Variants in ADCY5 observed in about 807,000 individuals in gnomAD.
The protein encoded by ADCY5 is adenylate cyclase type 5.
In ADCY5, 30 loss-of-function variants were observed where a neutral mutation model predicts 119.7. That is an observed-to-expected ratio of 0.25 (90% confidence interval 0.19 to 0.34). The LOEUF (loss-of-function observed/expected upper bound fraction) is 0.34, where lower values mean the gene tolerates loss of function less well. Ranked by LOEUF, ADCY5 falls within the 10% of genes least tolerant of loss-of-function variation. The pLI, the probability that ADCY5 is intolerant of heterozygous loss-of-function variation, is 1.00. For missense variants in ADCY5, 1,324 were observed against 1,775.2 expected, an observed-to-expected ratio of 0.75 and a Z score of 4.57; for synonymous variants, 753 against 762.2, an observed-to-expected ratio of 0.99 and a Z score of 0.20.
chr3:123,286,898 A>G lies in ADCY5; in HGVS notation c.3533-89T>C. 6.8e-7 allele frequency: 1 copy of G among 1,474,324 alleles called. No homozygotes were observed. Among genetic ancestry groups the G allele is most frequent in the Non-Finnish European group, 9.0e-7 (1 of 1,116,124 alleles). The allele number at this position is 1,474,324 out of a possible 1,614,324, so 91.3% of individuals were successfully genotyped here. A position where few individuals can be genotyped will look rare whatever the true frequency, so the allele number is the denominator to read the frequency against. ...TCCCCACATGCTGCAGGTCCTTCTGACTCCCAACCTGAGACACCCGTGGGC... is the reference window on the plus strand; with the variant it reads ...TCCCCACATGCTGCAGGTCCTTCTGGCTCCCAACCTGAGACACCCGTGGGC... On this transcript the variant is annotated intron_variant, in intron 19 of 20. Transcript: ENST00000462833. This position sits in a 1 kb window ranked among gnomAD's most constrained non-coding sequence, Gnocchi z 4.2.
At chr3:123,385,071 C>T (rs1169251438) in intron 1 of ADCY5, among the ~76,000 whole-genome samples, 2 of 152,066 alleles carry the variant, frequency 1.3e-5, no homozygotes, top group Non-Finnish European at 2.9e-5. Context: ...TGAACGCAGG[C>T]CCCCCTCTCC....
At chr3:123,395,434 C>T (rs1944512103) in intron 1 of ADCY5, among the ~76,000 whole-genome samples, 1 of 152,218 alleles carries the variant, frequency 6.6e-6, no homozygotes, top group Non-Finnish European at 1.5e-5. Flanking sequence ...TCACAGGCTC[C>T]TTTCCATACT....
intron 1 of ADCY5, among the ~76,000 whole-genome samples, chr3:123,417,464 C>T (rs988203273): frequency 3.9e-5 from 6 of 152,258 alleles, no homozygotes; most frequent in Non-Finnish European, 7.3e-5. Flanking sequence ...CCCTTGCCCC[C>T]AGAACTCTGT....
intron 12 of ADCY5, among the ~76,000 whole-genome samples, chr3:123,308,520 T>G (rs1940341976): frequency 6.6e-6 from 1 of 152,080 alleles, no homozygotes; most frequent in South Asian, 2.1e-4. Context: ...TAGATTTTAC[T>G]AACCCCAGTT....
intron 1 of ADCY5, among the ~76,000 whole-genome samples, chr3:123,421,462 GAGC>G (rs1945300871): frequency 6.6e-6 from 1 of 152,292 alleles, no homozygotes; most frequent in South Asian, 2.1e-4. Context: ...TGCCGGTTCT[GAGC>G]AGCACAGACA....
At chr3:123,405,047 C>T (rs192823012) in intron 1 of ADCY5, among the ~76,000 whole-genome samples, 18 of 152,332 alleles carry the variant, frequency 1.2e-4, no homozygotes, top group Non-Finnish European at 1.5e-4. Flanking sequence ...AATGGTAGGG[C>T]GATGCCAGAA....
intron 1 of ADCY5, 58 bp downstream of exon 1, chr3:123,447,354 G>T: frequency 4.2e-6 from 6 of 1,435,648 alleles, no homozygotes; most frequent in Middle Eastern, 2.1e-4. Context: ...TTTCTTTGGA[G>T]TCCAGCTGAG....
chr3:123,308,746 G>A (rs1012550327), intron 12 of ADCY5, among the ~76,000 whole-genome samples: 14 of 152,242 alleles, frequency 9.2e-5, no homozygotes, highest in East Asian at 1.9e-4. Flanking sequence ...GGAGAATGGC[G>A]TGAACCCGGG....
At chr3:123,384,212 A>C (rs1055639185) in intron 1 of ADCY5, among the ~76,000 whole-genome samples, 1 of 152,240 alleles carries the variant, frequency 6.6e-6, no homozygotes, top group Non-Finnish European at 1.5e-5. Flanking sequence ...AGGGAGATTT[A>C]AAAATAAACA....
chr3:123,354,565 G>A lies in ADCY5; in HGVS notation c.1135-1984C>T, dbSNP rs1942973032. 2.6e-5 allele frequency among the ~76,000 whole-genome samples: 4 copies of A among 152,230 alleles called. No homozygotes were observed. The South Asian group carries it at 8.3e-4, about 32-fold the overall frequency. ...CACTGGGAGAGGATAAGGAGGAAGA[G>A]ATGAGGAAGTGAAGGCTGAGGGGTA... On this transcript the variant is annotated intron_variant, in intron 1 of 20. Coordinates refer to ENST00000462833, the MANE Select transcript of ADCY5 (RefSeq NM_183357.3).
intron 1 of ADCY5, among the ~76,000 whole-genome samples, chr3:123,375,878 G>A (rs1333846895): frequency 6.6e-6 from 1 of 152,166 alleles, no homozygotes; most frequent in Non-Finnish European, 1.5e-5. Flanking sequence ...TACTATTCTA[G>A]TGATTCTTAG....
At chr3:123,401,808 G>A (rs1050175364) in intron 1 of ADCY5, among the ~76,000 whole-genome samples, 4 of 152,070 alleles carry the variant, frequency 2.6e-5, no homozygotes, top group Non-Finnish European at 4.4e-5. Flanking sequence ...AGCTCTTACC[G>A]AACCTACCTA....
chr3:123,345,876 T>C (rs1942527757), intron 3 of ADCY5, among the ~76,000 whole-genome samples: 1 of 152,046 alleles, frequency 6.6e-6, no homozygotes, highest in South Asian at 2.1e-4. Context: ...CCCAGATTCC[T>C]TGGACACACT....
At chr3:123,337,787 T>C (rs1309367644) in intron 3 of ADCY5, among the ~76,000 whole-genome samples, 1 of 152,240 alleles carries the variant, frequency 6.6e-6, no homozygotes, top group African/African-American at 2.4e-5. Context: ...GGGTTCAATG[T>C]ATCTTCTTTT....
At chr3:123,304,744 T>G (rs1940106185) in intron 12 of ADCY5, among the ~76,000 whole-genome samples, 1 of 152,080 alleles carries the variant, frequency 6.6e-6, no homozygotes, top group Admixed American at 6.5e-5. Context: ...TCCAAGGACC[T>G]GCCATTTCCC....
At chr3:123,424,529 T>C (rs1229937143) in intron 1 of ADCY5, among the ~76,000 whole-genome samples, 1 of 152,192 alleles carries the variant, frequency 6.6e-6, no homozygotes, top group East Asian at 1.9e-4. Flanking sequence ...CTCTCACACA[T>C]GAGCCGTTCC....
At chr3:123,446,035 C>T (rs1216990004) in intron 1 of ADCY5, among the ~76,000 whole-genome samples, 1 of 152,160 alleles carries the variant, frequency 6.6e-6, no homozygotes, top group South Asian at 2.1e-4. Context: ...GGGCAGAGGA[C>T]GTTAGAAGTG....
rs1944623413 is a variant in ADCY5 at position 123,397,147 on chromosome 3, A to AG, written c.1135-44567dup. On this transcript the variant is annotated intron_variant, in intron 1 of 20. Transcript: ENST00000462833. ...AATGGGTGGAACTAGGTGGAAGGGA[A>AG]GGGGCCCTGCCAGCACTTGCCTCTG... Among the ~76,000 whole-genome samples, 5 of 152,200 alleles carry AG rather than the reference A, an allele frequency of 3.3e-5. No individual in the cohort carries two copies. The South Asian group carries it at 1.0e-3, about 31-fold the overall frequency.
chr3:123,284,059 GGAGGTGTGGGCA>G lies in ADCY5; in HGVS notation c.*537_*548del, dbSNP rs1330218886. 6.5e-6 allele frequency: 1 copy of G among 152,722 alleles called. No individual in the cohort carries two copies. The highest frequency in any genetic ancestry group is 2.4e-5 in the African/African-American group (1 of 41,456). 9.5% of individuals were successfully genotyped at this position (152,722 alleles called of 1,614,324 possible). On this transcript the variant is annotated 3_prime_UTR_variant, in exon 21 of 21. Transcript: ENST00000462833. ...CTCCTAGGGCACTGTCTGTGTGCGT[GGAGGTGTGGGCA>G]GAGGACCACGATGAAGGCCACAGTC...
Sources: gnomAD v4.1 joint callset for allele counts (sites outside exome capture counted in the v4.1 genomes callset) on GRCh38, gnomAD v4.1.1 for gene constraint, Gnocchi (gnomAD v3.1) non-coding constraint, MANE v1.5 for transcripts, NCBI Gene and HGNC (gene_info 2026-07-23, HGNC 2026-07-21) for gene names.